Variants in CLCN6 observed in about 807,000 individuals in gnomAD.
CLCN6 encodes H(+)/Cl(-) exchange transporter 6.
CLCN6 carries 70 observed loss-of-function variants against 109.8 expected under a neutral mutation model. The observed-to-expected ratio is 0.64, with a 90% CI of 0.53 to 0.78. CLCN6 has a LOEUF of 0.78. Ranked by LOEUF, CLCN6 falls within the 30% of genes least tolerant of loss-of-function variation. The pLI, the probability that CLCN6 is intolerant of heterozygous loss-of-function variation, is 0.00. For synonymous variants in CLCN6, 444 were observed against 447.8 expected (o/e 0.99, Z 0.11); for missense variants, 984 against 1,142.3 (o/e 0.86, Z 2.00).
rs199929351 is a variant in CLCN6 at position 11,839,134 on chromosome 1, AT to A, written c.2529+477del. 1.9e-3 allele frequency: 1,116 copies of A among 582,378 alleles called. 14 individuals carry two copies. The African/African-American group carries it at 0.019, about 10-fold the overall frequency. 36.1% of individuals were successfully genotyped at this position (582,378 alleles called of 1,614,324 possible). A position where few individuals can be genotyped will look rare whatever the true frequency, so the allele number is the denominator to read the frequency against. Reference sequence around the variant, plus strand: ...AATATTTTCTTATTACACAAATATGATTTCATTGTAGGAAAATACAAAAACA... The same window carrying A: ...AATATTTTCTTATTACACAAATATGATTCATTGTAGGAAAATACAAAAACA... On this transcript the variant is annotated intron_variant, in intron 22 of 22. Transcript: ENST00000346436.
rs916505592 is a variant in CLCN6 at position 11,840,299 on chromosome 1, G to C, written c.*76G>C. 7 of 1,274,832 alleles carry C rather than the reference G, an allele frequency of 5.5e-6. No homozygotes were observed. Among genetic ancestry groups the C allele is most frequent in the East Asian group, 4.6e-5 (2 of 43,378 alleles). The allele number at this position is 1,274,832 out of a possible 1,614,324, so 79.0% of individuals were successfully genotyped here. A position where few individuals can be genotyped will look rare whatever the true frequency, so the allele number is the denominator to read the frequency against. ...ACTCCGGCGGGCACAGCTGGCTGGG[G>C]CTGTTCCGGGGCATGGAAGATTCCC... On this transcript the variant is annotated 3_prime_UTR_variant, in exon 23 of 23. Coordinates refer to ENST00000346436, the MANE Select transcript of CLCN6 (RefSeq NM_001286.5).
At chr1:11,828,686 C>T (rs917521028) in intron 12 of CLCN6, 62 bp downstream of exon 12, 16 of 1,510,168 alleles carry the variant, frequency 1.1e-5, no homozygotes, top group African/African-American at 5.6e-5. Context: ...GTGTGGGCCG[C>T]GCCATCTCTC....
intron 6 of CLCN6, among the ~76,000 whole-genome samples, chr1:11,823,373 C>G (rs549091954): frequency 6.6e-6 from 1 of 151,652 alleles, no homozygotes; most frequent in Non-Finnish European, 1.5e-5. Context: ...GCTACTCGGG[C>G]GACTGAGGCA....
In CLCN6 at chr1:11,838,600, C is replaced by A. The variant is rs774871358; in HGVS notation, c.2469C>A (p.Val823=). ...TVSPNTHVSQ[V]FNLFRTMGLR... The stretch of plus-strand genomic sequence containing the variant: ...CGCCCAACACCCACGTCTCCCAAGT[C>A]TTCAACCTGTTCAGAACGATGGGCC... The change falls in exon 22 of 23, where the codon GTC becomes GTA. Residue 823 remains valine (V), a synonymous_variant. Transcript: ENST00000346436. 1.2e-6 allele frequency: 2 copies of A among 1,614,188 alleles called. No individual in the cohort carries two copies. Among genetic ancestry groups the A allele is most frequent in the Non-Finnish European group, 1.7e-6 (2 of 1,180,002 alleles).
At chr1:11,820,431 G>T in intron 5 of CLCN6, 1 of 711,868 alleles carries the variant, frequency 1.4e-6, no homozygotes. Context: ...CAAGAGTGGG[G>T]AATAATTTCT....
chr1:11,830,505 T>C (rs994549796), intron 13 of CLCN6, among the ~76,000 whole-genome samples: 17 of 152,146 alleles, frequency 1.1e-4, no homozygotes, highest in Admixed American at 1.1e-3. Context: ...TAAAAGTATA[T>C]AGGAGGACCT....
intron 22 of CLCN6, 160 bp downstream of exon 22, chr1:11,838,820 C>G (rs565308939): frequency 1.9e-6 from 2 of 1,065,222 alleles, no homozygotes; most frequent in Admixed American, 1.8e-5. Flanking sequence ...TCCGTGCACT[C>G]GGGACCCTTT....
intron 13 of CLCN6, among the ~76,000 whole-genome samples, chr1:11,830,737 T>TTATATATA (rs369772847): frequency 3.0e-3 from 274 of 91,100 alleles, no homozygotes; most frequent in Middle Eastern, 0.012. Context: ...TATGTATATA[T>TTATATATA]TATATATATA....
Position 11,819,529 on chromosome 1 carries a change from A to G in CLCN6, c.321A>G (p.Gln107=), listed in dbSNP as rs140118680. ...FVDFFVRLFT[Q]LKFGVVQTSV... ...ACTTTTTTGTGCGACTCTTCACCCA[A>G]CTCAAGTTCGGAGTGGTACAGACAT... The change falls in exon 5 of 23, where the codon CAA becomes CAG. Residue 107 remains glutamine, a synonymous_variant. Coordinates refer to ENST00000346436, the MANE Select transcript of CLCN6 (RefSeq NM_001286.5). The G allele has an allele frequency of 2.3e-4, 373 of 1,614,126 alleles. 3 individuals are homozygous for G. In the African/African-American group the frequency reaches 4.2e-3, roughly 18 times the overall value.
rs190069579 is a variant in CLCN6, at chr1:11,834,058, G to C, written c.1526+28G>C. 1.2e-4 allele frequency: 192 copies of C among 1,609,536 alleles called. No homozygotes were observed. The African/African-American group carries it at 2.3e-3, about 19-fold the overall frequency. On this transcript the variant is annotated intron_variant, in intron 15 of 22. Coordinates refer to ENST00000346436, the MANE Select transcript of CLCN6 (RefSeq NM_001286.5). This position sits in a 1 kb window ranked among gnomAD's most constrained non-coding sequence, Gnocchi z 4.5. ...ACTCTGTGTGTGTGCGTGTGTGTGC[G>C]CATGTGCATGTGTGTGCACGTGTGC...
chr1:11,827,481 G>A (rs1570531706), intron 10 of CLCN6, among the ~76,000 whole-genome samples: 1 of 143,034 alleles, frequency 7.0e-6, no homozygotes, highest in African/African-American at 2.6e-5. Flanking sequence ...TGTTGCCCAG[G>A]CTGGAGGGCA....
At chr1:11,824,403 A>G (rs1644785151) in intron 7 of CLCN6, 83 bp from the exon 8 acceptor site, 2 of 1,051,814 alleles carry the variant, frequency 1.9e-6, no homozygotes, top group Non-Finnish European at 2.9e-6. Context: ...AGTTGTCACG[A>G]GGAAGGTTTT....
At chr1:11,823,928 C>A in intron 7 of CLCN6, 95 bp downstream of exon 7, 1 of 1,516,758 alleles carries the variant, frequency 6.6e-7, no homozygotes, top group South Asian at 1.2e-5. Flanking sequence ...GACTGCAGGG[C>A]CCAGCCTCAA....
chr1:11,836,794 G>A (rs1411566390), intron 18 of CLCN6, among the ~76,000 whole-genome samples: 2 of 152,182 alleles, frequency 1.3e-5, no homozygotes, highest in African/African-American at 4.8e-5. Flanking sequence ...CCAGATTAAA[G>A]GAAACCACAG....
chr1:11,819,514 G>A lies in CLCN6; in HGVS notation c.306G>A (p.Val102=), dbSNP rs569766883. Residue 102 remains valine (V), a synonymous_variant, in exon 5 of 23, where the codon GTG becomes GTA. Coordinates refer to ENST00000346436, the MANE Select transcript of CLCN6 (RefSeq NM_001286.5). ...TGGGTCTCTTTGTGGACTTTTTTGT[G>A]CGACTCTTCACCCAACTCAAGTTCG... ...GLVGLFVDFF[V]RLFTQLKFGV... is the part of the protein sequence containing the mutation. 1 of 1,614,136 alleles carries A rather than the reference G, an allele frequency of 6.2e-7. No individual in the cohort carries two copies. Among genetic ancestry groups the A allele is most frequent in the African/African-American group, 1.3e-5 (1 of 75,020 alleles).
intron 18 of CLCN6, 42 bp from the exon 19 acceptor site, chr1:11,836,957 C>T (rs542463784): frequency 1.4e-5 from 23 of 1,599,168 alleles, no homozygotes; most frequent in East Asian, 4.5e-5. Flanking sequence ...CTGCTGTGTT[C>T]GTTTGCCCAT....
Position 11,816,699 on chromosome 1 carries a change from G to T in CLCN6, c.279+19G>T. 6.2e-7 allele frequency: 1 copy of T among 1,606,870 alleles called. No individual in the cohort carries two copies. The highest frequency in any genetic ancestry group is 8.5e-7 in the Non-Finnish European group (1 of 1,175,568). On this transcript the variant is annotated intron_variant, in intron 4 of 22. Coordinates refer to ENST00000346436, the MANE Select transcript of CLCN6 (RefSeq NM_001286.5). ...TGGCCTGGTGAGGAGGCAGGGCCTG[G>T]AGGGATGGTGGGCCATAGGGCTGGA...
intron 22 of CLCN6, 145 bp downstream of exon 22, chr1:11,838,805 C>G: frequency 1.6e-6 from 2 of 1,224,046 alleles, no homozygotes; most frequent in Admixed American, 1.7e-5. Flanking sequence ...GAACCCTGCT[C>G]GGCTTCCGTG....
intron 2 of CLCN6, among the ~76,000 whole-genome samples, chr1:11,811,978 G>A (rs1038365725): frequency 3.9e-5 from 6 of 152,124 alleles, no homozygotes; most frequent in Non-Finnish European, 8.8e-5. Flanking sequence ...TGCTAACACC[G>A]ATATGTGGAG....
Sources: allele counts gnomAD v4.1 joint callset (sites outside exome capture counted in the v4.1 genomes callset), GRCh38; gene constraint gnomAD v4.1.1; non-coding constraint Gnocchi (gnomAD v3.1); transcripts MANE v1.5; gene names NCBI Gene and HGNC (gene_info 2026-07-23, HGNC 2026-07-21).